The following DEAF1 variants were observed in gnomAD, a reference collection of about 807,000 sequenced individuals.
DEAF1 encodes the protein DEAF1 transcription factor.
In DEAF1, 53 loss-of-function variants were observed where a neutral mutation model predicts 58.9. The ratio of observed to expected loss-of-function variants is 0.90; its 90% CI spans 0.72 to 1.13. The LOEUF is 1.13. Ranked by LOEUF, DEAF1 falls within the 50% of genes most tolerant of loss-of-function variation. The probability of loss-of-function intolerance (pLI) is 0.00; values close to 1 mark genes in which losing one functional copy is unlikely to be tolerated. For missense variants in DEAF1, 685 were observed against 791.4 expected (o/e 0.87, Z 1.61); for synonymous variants, 385 against 340.4 (o/e 1.13, Z -1.44).
chr11:688,530 G>C lies in DEAF1; in HGVS notation c.388-70C>G, dbSNP rs1322439016. Reference sequence around the variant, plus strand: ...CCAGGCGTGTCACTGAGCCCAGCTGGGCCGTCCTCCAGCAGGGCTCTCTGG... The same window carrying C: ...CCAGGCGTGTCACTGAGCCCAGCTGCGCCGTCCTCCAGCAGGGCTCTCTGG... On this transcript the variant is annotated intron_variant, in intron 2 of 11. Transcript: ENST00000382409. The surrounding 1 kb of genome is among the most constrained non-coding windows in gnomAD (Gnocchi z 4.3). The C allele has an allele frequency of 1.9e-6, 3 of 1,602,440 alleles. No individual in the cohort carries two copies. The highest frequency in any genetic ancestry group is 2.6e-6 in the Non-Finnish European group (3 of 1,174,692).
At chr11:693,388 G>C (rs941635465) in intron 1 of DEAF1, 1 of 151,824 alleles carries the variant, frequency 6.6e-6, no homozygotes, top group African/African-American at 2.4e-5. Context: ...CTTTGCCTTC[G>C]AGGGCCACTC....
intron 10 of DEAF1, chr11:654,681 C>T (rs1858961574): frequency 2.2e-6 from 1 of 452,542 alleles, no homozygotes; most frequent in Non-Finnish European, 4.4e-6. Context: ...TCAGCACAGG[C>T]AACGTTGCGA....
At chr11:676,940 CACATGAGA>C (rs768830354) in intron 9 of DEAF1, among the ~76,000 whole-genome samples, 7 of 152,204 alleles carry the variant, frequency 4.6e-5, no homozygotes, top group Non-Finnish European at 8.8e-5. Context: ...CGCACACGTG[CACATGAGA>C]ACATTTCTGA....
At chr11:695,736 C>A, upstream of DEAF1, 2 of 1,240,374 alleles carry the variant, frequency 1.6e-6, no homozygotes, top group Non-Finnish European at 2.0e-6. Flanking sequence ...CGGGCCCCTT[C>A]GTCAGGAGAC....
In DEAF1 at chr11:688,953, C is replaced by T. The variant is rs575955497; in HGVS notation, c.388-493G>A. Among the ~76,000 whole-genome samples, 17 of 152,188 alleles carry T rather than the reference C, an allele frequency of 1.1e-4. No individual in the cohort carries two copies. The East Asian group carries it at 1.7e-3, about 16-fold the overall frequency. On this transcript the variant is annotated intron_variant, in intron 2 of 11. Coordinates refer to ENST00000382409, the MANE Select transcript of DEAF1 (RefSeq NM_021008.4). This position sits in a 1 kb window ranked among gnomAD's most constrained non-coding sequence, Gnocchi z 4.3. Reference sequence around the variant, plus strand: ...CCTGCTTCCAAAATCAGCCTTCAGGCGGCACAGACCCCGCCACAGGAAGCC... The same window carrying T: ...CCTGCTTCCAAAATCAGCCTTCAGGTGGCACAGACCCCGCCACAGGAAGCC...
intron 10 of DEAF1, among the ~76,000 whole-genome samples, chr11:655,556 C>T (rs1564926749): frequency 6.6e-6 from 1 of 150,754 alleles, no homozygotes; most frequent in Non-Finnish European, 1.5e-5. Flanking sequence ...CGGGAGGGGC[C>T]GTGGCCAGTG....
At chr11:661,476 G>A (rs111451712) in intron 10 of DEAF1, among the ~76,000 whole-genome samples, 28 of 152,126 alleles carry the variant, frequency 1.8e-4, no homozygotes, top group South Asian at 6.2e-4. Flanking sequence ...TTGGAAGGCC[G>A]AGACAGGTGG....
rs558929757 is a variant in DEAF1, at chr11:674,623, C to T, written c.1416G>A (p.Thr472=). ...SLLNTAQQLK[T]LFEQAKHAST... Reference sequence around the variant, plus strand: ...TGGCATGCTTGGCTTGCTCAAACAGCGTCTTCAGCTGCTGCGCTGTGTTGA... The same window carrying T: ...TGGCATGCTTGGCTTGCTCAAACAGTGTCTTCAGCTGCTGCGCTGTGTTGA... The change falls in exon 10 of 12, where the codon ACG becomes ACA. Residue 472 remains threonine (T), a synonymous_variant. Coordinates refer to ENST00000382409, the MANE Select transcript of DEAF1 (RefSeq NM_021008.4). The T allele has an allele frequency of 1.4e-4, 233 of 1,614,144 alleles. 4 individuals are homozygous for T. In the South Asian group the frequency reaches 1.6e-3, roughly 11 times the overall value.
chr11:685,956 C>A (rs1378147480), intron 5 of DEAF1, among the ~76,000 whole-genome samples: 1 of 151,188 alleles, frequency 6.6e-6, no homozygotes. Context: ...CTAGCCTGGC[C>A]AGCGTGGTGA....
chr11:653,246 C>T (rs1287998351), intron 11 of DEAF1, among the ~76,000 whole-genome samples: 1 of 141,192 alleles, frequency 7.1e-6, no homozygotes, highest in South Asian at 2.3e-4. Flanking sequence ...ACTGTGGACG[C>T]TGTCTCTCGC....
intron 6 of DEAF1, among the ~76,000 whole-genome samples, chr11:682,926 G>C (rs1398819877): frequency 2.6e-5 from 4 of 152,098 alleles, no homozygotes; most frequent in Non-Finnish European, 1.5e-5. Context: ...TGCAAGGAGT[G>C]GGAACCGTTT....
At chr11:677,765 C>A (rs1860141505) in intron 9 of DEAF1, among the ~76,000 whole-genome samples, 1 of 121,548 alleles carries the variant, frequency 8.2e-6, no homozygotes, top group East Asian at 3.1e-4. Context: ...CCAGCCTGAC[C>A]AGCATGGTGA....
At chr11:666,928 G>C (rs1859562753) in intron 10 of DEAF1, among the ~76,000 whole-genome samples, 1 of 150,866 alleles carries the variant, frequency 6.6e-6, no homozygotes, top group Admixed American at 6.6e-5. Context: ...GCCAGGAGCA[G>C]TGGTTCATGC....
rs1465595197 is a variant in DEAF1 at position 646,936 on chromosome 11, G to A, written c.1594-2282C>T. 2.0e-5 allele frequency among the ~76,000 whole-genome samples: 3 copies of A among 152,248 alleles called. No individual in the cohort carries two copies. The East Asian group carries it at 5.8e-4, about 29-fold the overall frequency. ...ACTTCGGGAGGTTGAGGTCACTTGA[G>A]GTCAGGGGTTGGAGACCAGCCTGAG... is the stretch of plus-strand genomic sequence containing the variant. On this transcript the variant is annotated intron_variant, in intron 11 of 11. Coordinates refer to ENST00000382409, the MANE Select transcript of DEAF1 (RefSeq NM_021008.4).
chr11:650,036 A>G (rs903021432), intron 11 of DEAF1, among the ~76,000 whole-genome samples: 5 of 151,484 alleles, frequency 3.3e-5, no homozygotes, highest in African/African-American at 1.2e-4. Flanking sequence ...AACAAAAACA[A>G]AAACAAAAAC....
chr11:674,673 G>A lies in DEAF1; in HGVS notation c.1366C>T (p.Leu456=). ...ELSEPRSWLY[L]EEMVNSLLNT... is the part of the protein sequence containing the mutation. ...AGCAAGGAGTTGACCATCTCTTCTA[G>A]GTACAGCCAGCTCCGCGGCTCTGAC... Residue 456 remains leucine, a synonymous_variant, in exon 10 of 12, where the codon CTA becomes TTA. Transcript: ENST00000382409. The A allele has an allele frequency of 6.2e-7, 1 of 1,614,060 alleles. No homozygotes were observed. Among genetic ancestry groups the A allele is most frequent in the Non-Finnish European group, 8.5e-7 (1 of 1,180,046 alleles).
chr11:687,066 G>A, intron 4 of DEAF1, 69 bp from the exon 5 acceptor site: 3 of 1,606,362 alleles, frequency 1.9e-6, no homozygotes, highest in South Asian at 1.1e-5. Context: ...CCTACCTCCT[G>A]GCGCCTCCTC....
At chr11:679,291 G>A (rs1860229525) in intron 8 of DEAF1, among the ~76,000 whole-genome samples, 1 of 149,604 alleles carries the variant, frequency 6.7e-6, no homozygotes, top group African/African-American at 2.4e-5. Flanking sequence ...CTCCAGCCTG[G>A]GGGATGGAGC....
At chr11:660,604 G>A (rs1007687730) in intron 10 of DEAF1, among the ~76,000 whole-genome samples, 7 of 152,268 alleles carry the variant, frequency 4.6e-5, no homozygotes, top group African/African-American at 1.2e-4. Context: ...ACACGGGGAT[G>A]GCGGGCTGCT....
Sources: gnomAD v4.1 joint callset for allele counts (sites outside exome capture counted in the v4.1 genomes callset) on GRCh38, gnomAD v4.1.1 for gene constraint, Gnocchi (gnomAD v3.1) non-coding constraint, MANE v1.5 for transcripts, NCBI Gene and HGNC (gene_info 2026-07-23, HGNC 2026-07-21) for gene names.